NCOR1: variants seen among roughly 807,000 people sequenced by gnomAD.
The protein encoded by NCOR1 is nuclear receptor corepressor 1.
In NCOR1, 63 loss-of-function variants were observed where a neutral mutation model predicts 288.1. That is an observed-to-expected ratio of 0.22 (90% confidence interval 0.18 to 0.27). The LOEUF (loss-of-function observed/expected upper bound fraction) is 0.27. NCOR1 is among the 10% of genes least tolerant of loss of function. NCOR1 has a pLI of 1.00. For missense variants in NCOR1, 2,397 were observed against 3,019.2 expected (o/e 0.79, Z 4.83); for synonymous variants, 1,007 against 1,065.9 (o/e 0.94, Z 1.08).
rs2083727243 is a variant in NCOR1, at chr17:16,174,553, A to G, written c.243-2558T>C. Among the ~76,000 whole-genome samples the G allele has an allele frequency of 3.3e-5, 5 of 152,200 alleles. No homozygotes were observed. In the South Asian group the frequency reaches 6.2e-4, roughly 19 times the overall value. ...AAGGAACAGGACAACTCAGAAAACA[A>G]TGAGTATGGAATGCTCTTTTTCTAT... is the stretch of plus-strand genomic sequence containing the variant. On this transcript the variant is annotated intron_variant, in intron 3 of 45. Transcript: ENST00000268712.
intron 19 of NCOR1, among the ~76,000 whole-genome samples, chr17:16,102,610 TG>T (rs1461859791): frequency 6.6e-6 from 1 of 151,048 alleles, no homozygotes; most frequent in Non-Finnish European, 1.5e-5. Flanking sequence ...TTTTTTTTTT[TG>T]GAGGCAGAGT....
At chr17:16,115,626 C>T (rs1471279561) in intron 18 of NCOR1, among the ~76,000 whole-genome samples, 1 of 152,202 alleles carries the variant, frequency 6.6e-6, no homozygotes, top group Non-Finnish European at 1.5e-5. Flanking sequence ...GGGCAAAATG[C>T]TGCCAGTCTC....
Position 16,062,278 on chromosome 17 carries a change from G to C in NCOR1, c.5222-8C>G. The C allele has an allele frequency of 6.3e-7, 1 of 1,576,048 alleles. No homozygotes were observed. The highest frequency in any genetic ancestry group is 8.6e-7 in the Non-Finnish European group (1 of 1,168,720). On this transcript the variant is annotated splice_region_variant and splice_polypyrimidine_tract_variant and intron_variant, in intron 35 of 45. Coordinates refer to ENST00000268712, the MANE Select transcript of NCOR1 (RefSeq NM_006311.4). ...GGCCAGGCTGTTCTGAGCCTGCAGA[G>C]GTGAAAAAGAGAAAGAAACAAAGAC... is the stretch of plus-strand genomic sequence containing the variant.
At chr17:16,103,093 G>T (rs113581322) in intron 19 of NCOR1, among the ~76,000 whole-genome samples, 1 of 152,098 alleles carries the variant, frequency 6.6e-6, no homozygotes, top group East Asian at 1.9e-4. Flanking sequence ...AGTGCTTTTT[G>T]ACATCTTTAC....
At chr17:16,117,327 C>T (rs776433554) in intron 18 of NCOR1, among the ~76,000 whole-genome samples, 3 of 151,970 alleles carry the variant, frequency 2.0e-5, no homozygotes, top group Non-Finnish European at 4.4e-5. Flanking sequence ...GAAAGATAAG[C>T]TGGGGCAGGT....
chr17:16,101,381 C>T lies in NCOR1; in HGVS notation c.2559G>A (p.Val853=), dbSNP rs2067603188. ...CCACCAAATCTTCATCTCTAGGTTC[C>T]ACCTTCTCACTGGCTCTATCCAAGT... is the stretch of plus-strand genomic sequence containing the variant. The part of the protein sequence containing the change: ...ERDLDRASEK[V]EPRDEDLVVA... Residue 853 remains valine (V), a synonymous_variant, in exon 20 of 46, where the codon GTG becomes GTA. Transcript: ENST00000268712. The T allele has an allele frequency of 6.2e-7, 1 of 1,614,096 alleles. No homozygotes were observed. Among genetic ancestry groups the T allele is most frequent in the Non-Finnish European group, 8.5e-7 (1 of 1,180,052 alleles).
chr17:16,073,281 G>A (rs544949973), intron 28 of NCOR1, 148 bp downstream of exon 28: 1 of 662,210 alleles, frequency 1.5e-6, no homozygotes, highest in East Asian at 3.1e-5. Context: ...TATATTTCAG[G>A]TGGAAATGAC....
At chr17:16,205,188 C>T (rs1420149876) in intron 1 of NCOR1, among the ~76,000 whole-genome samples, 8 of 151,794 alleles carry the variant, frequency 5.3e-5, no homozygotes, top group Non-Finnish European at 1.0e-4. Context: ...CCATTGCAAT[C>T]CAGCCTGTGC....
Position 16,048,967 on chromosome 17 carries a change from C to T in NCOR1, c.6414G>A (p.Glu2138=), listed in dbSNP as rs1464675338. ...AGGGCTCCGAAGAGACGTGACTCCT[C>T]TCTGGGGATTTTCCAGGCCTACTAT... ...SRGSRPGKSP[E]RSHVSSEPYE... is the part of the protein sequence containing the mutation. The change falls in exon 41 of 46, where the codon GAG becomes GAA. Residue 2138 remains glutamate, a synonymous_variant. Coordinates refer to ENST00000268712, the MANE Select transcript of NCOR1 (RefSeq NM_006311.4). The T allele has an allele frequency of 6.2e-7, 1 of 1,610,348 alleles. No homozygotes were observed. Among genetic ancestry groups the T allele is most frequent in the African/African-American group, 1.3e-5 (1 of 74,794 alleles).
Position 16,031,602 on chromosome 17 carries a change from GAAAA to G in NCOR1, c.*690_*693del, listed in dbSNP as rs984623762. 8 of 203,110 alleles carry G rather than the reference GAAAA, an allele frequency of 3.9e-5. No individual in the cohort carries two copies. The highest frequency in any genetic ancestry group is 7.9e-5 in the Non-Finnish European group (8 of 101,446). The allele number at this position is 203,110 out of a possible 1,614,324, so 12.6% of individuals were successfully genotyped here. A position where few individuals can be genotyped will look rare whatever the true frequency, so the allele number is the denominator to read the frequency against. On this transcript the variant is annotated 3_prime_UTR_variant, in exon 46 of 46. Coordinates refer to ENST00000268712, the MANE Select transcript of NCOR1 (RefSeq NM_006311.4). ...GTAATATTTTTTCAGTGCTACTAAT[GAAAA>G]AAAAAAATTAAAGCCTGCACTGGAA...
At chr17:16,178,249 C>T (rs965113203) in intron 3 of NCOR1, among the ~76,000 whole-genome samples, 2 of 151,574 alleles carry the variant, frequency 1.3e-5, no homozygotes, top group Non-Finnish European at 2.9e-5. Flanking sequence ...CCTGTAATCC[C>T]AGCACTTTGG....
chr17:16,039,925 G>C, intron 43 of NCOR1: 1 of 419,790 alleles, frequency 2.4e-6, no homozygotes, highest in Non-Finnish European at 4.5e-6. Flanking sequence ...CAAGTAGCTG[G>C]GACTACAGGC....
At chr17:16,068,971 T>C (rs1212599795) in intron 31 of NCOR1, among the ~76,000 whole-genome samples, 1 of 152,104 alleles carries the variant, frequency 6.6e-6, no homozygotes, top group Non-Finnish European at 1.5e-5. Context: ...CGCCTTGGCC[T>C]CCCAAAGTGC....
At chr17:16,174,361 C>T (rs1466138812) in intron 3 of NCOR1, among the ~76,000 whole-genome samples, 1 of 152,200 alleles carries the variant, frequency 6.6e-6, no homozygotes, top group East Asian at 1.9e-4. Flanking sequence ...CCAAGTAATG[C>T]CTTAGCTGGA....
chr17:16,169,406 C>T (rs544492276), intron 4 of NCOR1, among the ~76,000 whole-genome samples: 9 of 152,200 alleles, frequency 5.9e-5, no homozygotes, highest in African/African-American at 2.2e-4. Flanking sequence ...TTCTTTCAAG[C>T]TTATTTAACT....
chr17:16,062,159 G>T lies in NCOR1; in HGVS notation c.5333C>A (p.Thr1778Asn). Residue 1778 changes from threonine (T) to asparagine (N), a missense_variant, in exon 36 of 46, where the codon ACC becomes AAC. This residue lies in a region of NCOR1 where 1,872 missense variants were observed against 2,187.8 expected (regional missense o/e 0.86). Transcript: ENST00000268712. ...AGGTGTGATTACACTGGTTCCATTG[G>T]TTCCTTGGAAAACACTGGGTCTCTG... ...LQQRPSVFQG[T>N]NGTSVITPLD... 1 of 1,614,088 alleles carries T rather than the reference G, an allele frequency of 6.2e-7. No individual in the cohort carries two copies. Among genetic ancestry groups the T allele is most frequent in the South Asian group, 1.1e-5 (1 of 91,012 alleles).
intron 21 of NCOR1, among the ~76,000 whole-genome samples, chr17:16,097,605 A>G (rs1214617852): frequency 6.6e-6 from 1 of 152,182 alleles, no homozygotes; most frequent in Non-Finnish European, 1.5e-5. Context: ...CCTAGATAGG[A>G]GACAGAAGCT....
Position 16,194,593 on chromosome 17 carries a change from G to C in NCOR1, c.-24C>G, listed in dbSNP as rs552573190. On this transcript the variant is annotated 5_prime_UTR_variant, in exon 2 of 46. Coordinates refer to ENST00000268712, the MANE Select transcript of NCOR1 (RefSeq NM_006311.4). ...ATTATCAGTAAAGAAGTCCTCACCA[G>C]ACTGTGAGATCAATGCCAATAAACA... The C allele has an allele frequency of 7.1e-7, 1 of 1,409,786 alleles. No individual in the cohort carries two copies. Among genetic ancestry groups the C allele is most frequent in the Non-Finnish European group, 9.9e-7 (1 of 1,008,042 alleles). 87.3% of individuals were successfully genotyped at this position (1,409,786 alleles called of 1,614,324 possible). A position where few individuals can be genotyped will look rare whatever the true frequency, so the allele number is the denominator to read the frequency against.
chr17:16,146,610 A>G (rs2153349453), intron 9 of NCOR1, 62 bp from the exon 10 acceptor site: 1 of 1,354,166 alleles, frequency 7.4e-7, no homozygotes, highest in Non-Finnish European at 9.9e-7. Context: ...GACAAACCTA[A>G]TACTTTAAAA....
Sources: gnomAD v4.1 joint callset for allele counts (sites outside exome capture counted in the v4.1 genomes callset) on GRCh38, gnomAD v4.1.1 for gene constraint, gnomAD v4.1.1 regional missense constraint, MANE v1.5 for transcripts, NCBI Gene and HGNC (gene_info 2026-07-23, HGNC 2026-07-21) for gene names.